Variants in GIPC2 observed in about 807,000 individuals in gnomAD.
The protein encoded by GIPC2 is PDZ domain-containing protein GIPC2.
GIPC2 carries 30 observed loss-of-function variants against 30.6 expected under a neutral mutation model. The observed-to-expected ratio is 0.98, with a 90% CI of 0.73 to 1.33. The LOEUF (loss-of-function observed/expected upper bound fraction) is 1.33, where lower values mean the gene tolerates loss of function less well. Ranked by LOEUF, GIPC2 falls within the 40% of genes most tolerant of loss-of-function variation. The pLI is 0.00. For missense variants in GIPC2, 414 were observed against 390.3 expected, an observed-to-expected ratio of 1.06 and a Z score of -0.51; for synonymous variants, 167 against 150.0, an observed-to-expected ratio of 1.11 and a Z score of -0.83.
At position 78,095,070 on chromosome 1, in the gene GIPC2, T is replaced by TA. The variant is rs746809392; in HGVS notation, c.548dup (p.Glu184GlyfsTer16). The TA allele has an allele frequency of 6.2e-7, 1 of 1,611,626 alleles. No homozygotes were observed. The highest frequency in any genetic ancestry group is 2.2e-5 in the East Asian group (1 of 44,848). ...CGTCACTATGATGTTGCTAAGAAGT[T>TA]AAAGGAATTAAAAAAGGAGGAACTC... On this transcript the variant is annotated frameshift_variant, in exon 3 of 6. Coordinates refer to ENST00000370759, the MANE Select transcript of GIPC2 (RefSeq NM_017655.6). LOFTEE classifies it high-confidence loss of function.
chr1:78,053,022 A>G (rs1661222995), intron 1 of GIPC2, among the ~76,000 whole-genome samples: 1 of 152,210 alleles, frequency 6.6e-6, no homozygotes, highest in Non-Finnish European at 1.5e-5. Flanking sequence ...TGATTTGCAT[A>G]TAGCACCCCC....
At chr1:78,059,840 G>A (rs963306336) in intron 1 of GIPC2, among the ~76,000 whole-genome samples, 4 of 152,158 alleles carry the variant, frequency 2.6e-5, no homozygotes, top group Admixed American at 1.3e-4. Flanking sequence ...TGTTAGAGAC[G>A]TGCTAGACAG....
At chr1:78,080,368 T>A (rs994485913) in intron 1 of GIPC2, among the ~76,000 whole-genome samples, 1 of 152,182 alleles carries the variant, frequency 6.6e-6, no homozygotes, top group Non-Finnish European at 1.5e-5. Flanking sequence ...GGCTTCAGTT[T>A]CCTCATTTGT....
rs35608832 is a variant in GIPC2 at position 78,113,863 on chromosome 1, A to ATT, written c.608-5516_608-5515dup. ...TCCTAGAGTCATCTTGCCCATACCT[A>ATT]TTTTTTTTTTTTTTTGCAACTCATT... On this transcript the variant is annotated intron_variant, in intron 3 of 5. Transcript: ENST00000370759. Among the ~76,000 whole-genome samples, 192 of 137,296 alleles carry ATT rather than the reference A, an allele frequency of 1.4e-3. 1 individual carries two copies. Among genetic ancestry groups the ATT allele is most frequent in the East Asian group, 6.5e-3 (32 of 4,886 alleles). The allele number at this position is 137,296 out of a possible 152,430, so 90.1% of individuals were successfully genotyped here. A position where few individuals can be genotyped will look rare whatever the true frequency, so the allele number is the denominator to read the frequency against.
chr1:78,058,774 C>T (rs974028104), intron 1 of GIPC2, among the ~76,000 whole-genome samples: 1 of 152,156 alleles, frequency 6.6e-6, no homozygotes, highest in Non-Finnish European at 1.5e-5. Flanking sequence ...ATCGTGCTCT[C>T]CCTTTTTTCC....
intron 1 of GIPC2, among the ~76,000 whole-genome samples, chr1:78,049,892 T>TC (rs1661163280): frequency 9.2e-6 from 1 of 108,978 alleles, no homozygotes; most frequent in African/African-American, 3.0e-5. Context: ...CAGAAAAACC[T>TC]CTTTTTTTTT....
intron 1 of GIPC2, among the ~76,000 whole-genome samples, chr1:78,069,509 T>TA (rs1240154124): frequency 2.7e-5 from 4 of 147,852 alleles, no homozygotes; most frequent in Non-Finnish European, 6.0e-5. Context: ...ACAGAGTCTC[T>TA]ATCTCCCAGG....
At chr1:78,049,443 C>T (rs1195065782) in intron 1 of GIPC2, among the ~76,000 whole-genome samples, 2 of 152,156 alleles carry the variant, frequency 1.3e-5, no homozygotes, top group Non-Finnish European at 2.9e-5. Context: ...CCACCACGCC[C>T]AGCCCTGTGA....
In GIPC2 at chr1:78,096,614, G is replaced by A. The variant is rs897613359; in HGVS notation, c.607+1482G>A. ...GATAGTCTTAAATGTTGCAAAGGTC[G>A]TTGTATTTAGCTATTATTGTTCCAT... On this transcript the variant is annotated intron_variant, in intron 3 of 5. Coordinates refer to ENST00000370759, the MANE Select transcript of GIPC2 (RefSeq NM_017655.6). Among the ~76,000 whole-genome samples the A allele has an allele frequency of 4.0e-5, 6 of 151,644 alleles. No homozygotes were observed. The South Asian group carries it at 6.2e-4, about 16-fold the overall frequency.
chr1:78,049,271 C>G (rs1363446315), intron 1 of GIPC2, among the ~76,000 whole-genome samples: 5 of 152,190 alleles, frequency 3.3e-5, no homozygotes, highest in Admixed American at 3.3e-4. Flanking sequence ...AAGTGATTGT[C>G]CTGCCTCAGC....
At chr1:78,131,357 T>C (rs966738938) in intron 5 of GIPC2, among the ~76,000 whole-genome samples, 3 of 151,984 alleles carry the variant, frequency 2.0e-5, no homozygotes, top group Admixed American at 2.0e-4. Flanking sequence ...CACAGGCGCT[T>C]GCCACCACGA....
chr1:78,111,842 G>C (rs1662471083), intron 3 of GIPC2, among the ~76,000 whole-genome samples: 1 of 152,202 alleles, frequency 6.6e-6, no homozygotes, highest in South Asian at 2.1e-4. Context: ...TGCAAGGTGA[G>C]GAACTGGGGT....
At chr1:78,084,909 C>T (rs1310392655) in intron 2 of GIPC2, among the ~76,000 whole-genome samples, 1 of 152,154 alleles carries the variant, frequency 6.6e-6, no homozygotes, top group Non-Finnish European at 1.5e-5. Context: ...TTCCTCTTTC[C>T]CTATTTGGAT....
At chr1:78,094,565 C>A (rs1171228738) in intron 2 of GIPC2, among the ~76,000 whole-genome samples, 1 of 152,082 alleles carries the variant, frequency 6.6e-6, no homozygotes, top group Non-Finnish European at 1.5e-5. Context: ...ATGAGAGTGG[C>A]ACCTTACCCA....
chr1:78,114,898 G>A (rs1456177478), intron 3 of GIPC2, among the ~76,000 whole-genome samples: 1 of 152,180 alleles, frequency 6.6e-6, no homozygotes, highest in Admixed American at 6.5e-5. Context: ...TGTGTGGTGG[G>A]GATAGGGAGC....
intron 1 of GIPC2, among the ~76,000 whole-genome samples, chr1:78,061,213 G>A (rs1371298371): frequency 2.6e-5 from 4 of 152,120 alleles, no homozygotes; most frequent in Non-Finnish European, 4.4e-5. Context: ...ATAACCAAAC[G>A]TGTTCCTTGA....
chr1:78,111,264 G>T (rs1662460612), intron 3 of GIPC2, among the ~76,000 whole-genome samples: 1 of 152,114 alleles, frequency 6.6e-6, no homozygotes, highest in African/African-American at 2.4e-5. Context: ...GCGGCGGGGG[G>T]TACTGGACAG....
chr1:78,119,632 A>C (rs1662641774), intron 4 of GIPC2, 133 bp downstream of exon 4: 1 of 603,114 alleles, frequency 1.7e-6, no homozygotes, highest in Admixed American at 2.9e-5. Context: ...GAAGGTATTT[A>C]AAAAGGAAAT....
intron 5 of GIPC2, among the ~76,000 whole-genome samples, chr1:78,132,665 A>ATGTGTGTGTGTGTGTGTGTGTGTG (rs61463492): frequency 7.3e-4 from 104 of 142,602 alleles, no homozygotes; most frequent in Non-Finnish European, 1.2e-3. Flanking sequence ...ATAGCCAAGG[A>ATGTGTGTGTGTGTGTGTGTGTGTG]TGTGTGTGTG....
Sources: gnomAD v4.1 joint callset for allele counts (sites outside exome capture counted in the v4.1 genomes callset) on GRCh38, gnomAD v4.1.1 for gene constraint, MANE v1.5 for transcripts, NCBI Gene and HGNC (gene_info 2026-07-23, HGNC 2026-07-21) for gene names.